CSF1: variants seen among roughly 807,000 people sequenced by gnomAD.
CSF1 encodes the protein colony stimulating factor 1.
A neutral mutation model predicts 48.9 loss-of-function variants in CSF1; 9 were observed. That is an observed-to-expected ratio of 0.18 (90% CI 0.11 to 0.32). The LOEUF is 0.32. Ranked by LOEUF, CSF1 falls within the 10% of genes least tolerant of loss-of-function variation. The pLI is 1.00. For synonymous variants in CSF1, 305 were observed against 284.1 expected (o/e 1.07, Z -0.74); for missense variants, 672 against 697.9 (o/e 0.96, Z 0.42).
At chr1:109,919,263 G>A (rs181491136) in intron 4 of CSF1, among the ~76,000 whole-genome samples, 5 of 152,236 alleles carry the variant, frequency 3.3e-5, no homozygotes, top group Non-Finnish European at 7.4e-5. Context: ...TTTTGAGACA[G>A]GGTCTCATTC....
At position 109,923,803 on chromosome 1, in the gene CSF1, C is replaced by T; in HGVS notation, c.1182C>T (p.Leu394=). ...PQKTDHPSAL[L]RDPPEPGSPR... ...AGACAGACCATCCATCTGCCCTGCT[C>T]AGAGACCCCCCGGAGCCAGGCTCTC... The change falls in exon 6 of 9, where the codon CTC becomes CTT. Residue 394 remains leucine, a synonymous_variant. Coordinates refer to ENST00000329608, the MANE Select transcript of CSF1 (RefSeq NM_000757.6). 6.2e-7 allele frequency: 1 copy of T among 1,611,198 alleles called. No individual in the cohort carries two copies. The highest frequency in any genetic ancestry group is 8.5e-7 in the Non-Finnish European group (1 of 1,178,688).
At chr1:109,927,674 G>A (rs550200734) in intron 8 of CSF1, among the ~76,000 whole-genome samples, 57 of 152,278 alleles carry the variant, frequency 3.7e-4, no homozygotes, top group South Asian at 4.1e-4. Context: ...CACTTGGCCC[G>A]GCAGGTCCAG....
At position 109,921,874 on chromosome 1, in the gene CSF1, C is replaced by A; in HGVS notation, c.424C>A (p.Pro142Thr). 6.2e-7 allele frequency: 1 copy of A among 1,605,276 alleles called. No individual in the cohort carries two copies. ...CTGCGTCCGAACTTTCTATGAGACA[C>A]CTCTCCAGTTGCTGGAGAAGGTCAA... ...KACVRTFYET[P>T]LQLLEKVKNV... The change falls in exon 5 of 9, where the codon CCT becomes ACT. Residue 142 changes from proline (P) to threonine (T), a missense_variant. Transcript: ENST00000329608.
Position 109,910,870 on chromosome 1 carries a change from GA to G in CSF1, c.-151del. ...CAGTGAGGCTCGGCCCGGGGAAAGT[GA>G]AAGTTTGCCTGGGTCCTCTCGGCGC... On this transcript the variant is annotated 5_prime_UTR_variant, in exon 1 of 9. Coordinates refer to ENST00000329608, the MANE Select transcript of CSF1 (RefSeq NM_000757.6). 1 of 370,134 alleles carries G rather than the reference GA, an allele frequency of 2.7e-6. No individual in the cohort carries two copies. Among genetic ancestry groups the G allele is most frequent in the Non-Finnish European group, 3.9e-6 (1 of 254,186 alleles). 22.9% of individuals were successfully genotyped at this position (370,134 alleles called of 1,614,324 possible). A position where few individuals can be genotyped will look rare whatever the true frequency, so the allele number is the denominator to read the frequency against.
chr1:109,929,117 C>G lies in CSF1; in HGVS notation c.*279C>G, dbSNP rs1647962420. 1 of 152,850 alleles carries G rather than the reference C, an allele frequency of 6.5e-6. No individual in the cohort carries two copies. Among genetic ancestry groups the G allele is most frequent in the Admixed American group, 6.5e-5 (1 of 15,294 alleles). The allele number at this position is 152,850 out of a possible 1,614,324, so 9.5% of individuals were successfully genotyped here. Reference sequence around the variant, plus strand: ...CATGTGCTTGAGGAAGGCTGGTGAGCCCGGCTCAGGACCCTCTTCCCTCAG... The same window carrying G: ...CATGTGCTTGAGGAAGGCTGGTGAGGCCGGCTCAGGACCCTCTTCCCTCAG... On this transcript the variant is annotated 3_prime_UTR_variant, in exon 9 of 9. Coordinates refer to ENST00000329608, the MANE Select transcript of CSF1 (RefSeq NM_000757.6).
At position 109,923,800 on chromosome 1, in the gene CSF1, G is replaced by T; in HGVS notation, c.1179G>T (p.Leu393=). 1 of 1,611,014 alleles carries T rather than the reference G, an allele frequency of 6.2e-7. No individual in the cohort carries two copies. The highest frequency in any genetic ancestry group is 8.5e-7 in the Non-Finnish European group (1 of 1,178,620). Residue 393 remains leucine (L), a synonymous_variant, in exon 6 of 9, where the codon CTG becomes CTT. Transcript: ENST00000329608. ...AGAAGACAGACCATCCATCTGCCCT[G>T]CTCAGAGACCCCCCGGAGCCAGGCT... ...TPQKTDHPSA[L]LRDPPEPGSP...
intron 8 of CSF1, among the ~76,000 whole-genome samples, chr1:109,927,561 C>CT (rs1647896274): frequency 2.0e-5 from 3 of 152,124 alleles, no homozygotes; most frequent in Non-Finnish European, 4.4e-5. Flanking sequence ...CGCCCACCCT[C>CT]CTTTCCCCAC....
chr1:109,921,617 G>T (rs987732886), intron 4 of CSF1, among the ~76,000 whole-genome samples: 1 of 152,072 alleles, frequency 6.6e-6, no homozygotes, highest in Admixed American at 6.5e-5. Context: ...ATGATTCCCA[G>T]GTAATTACCA....
Position 109,921,891 on chromosome 1 carries a change from G to A in CSF1, c.441G>A (p.Glu147=). ...TFYETPLQLL[E]KVKNVFNETK... Reference sequence around the variant, plus strand: ...ATGAGACACCTCTCCAGTTGCTGGAGAAGGTCAAGAATGTCTTTAATGAAA... The same window carrying A: ...ATGAGACACCTCTCCAGTTGCTGGAAAAGGTCAAGAATGTCTTTAATGAAA... The change falls in exon 5 of 9, where the codon GAG becomes GAA. Residue 147 remains glutamate (E), a synonymous_variant. Coordinates refer to ENST00000329608, the MANE Select transcript of CSF1 (RefSeq NM_000757.6). 6.2e-7 allele frequency: 1 copy of A among 1,609,898 alleles called. No individual in the cohort carries two copies. The highest frequency in any genetic ancestry group is 8.5e-7 in the Non-Finnish European group (1 of 1,177,134).
At position 109,911,055 on chromosome 1, in the gene CSF1, C is replaced by A; in HGVS notation, c.32C>A (p.Pro11His). The change falls in exon 1 of 9, where the codon CCT becomes CAT. Residue 11 changes from proline to histidine, a missense_variant. This residue lies in a region of CSF1 where 53 missense variants were observed against 45.5 expected (regional missense o/e 1.17). Transcript: ENST00000329608. Reference protein sequence around the residue: MTAPGAAGRCPPTTWLGSLLL... With the variant: MTAPGAAGRCHPTTWLGSLLL... ...GCGCCGGGCGCCGCCGGGCGCTGCC[C>A]TCCCACGGTAAGCGACGGCCGCGGC... The A allele has an allele frequency of 9.0e-7, 1 of 1,115,240 alleles. No individual in the cohort carries two copies. The highest frequency in any genetic ancestry group is 3.9e-5 in the South Asian group (1 of 25,318). 69.1% of individuals were successfully genotyped at this position (1,115,240 alleles called of 1,614,324 possible).
chr1:109,918,557 C>T (rs549217927), intron 4 of CSF1, among the ~76,000 whole-genome samples: 14 of 152,174 alleles, frequency 9.2e-5, no homozygotes, highest in Middle Eastern at 6.8e-3. Flanking sequence ...GACATGTTCC[C>T]GTGGGTTTAG....
Position 109,919,927 on chromosome 1 carries a change from A to AAAATAAATAAAT in CSF1, c.397-1880_397-1869dup, listed in dbSNP as rs35887432. ...TGAGCTGAGATCGAAACTCCATCTC[A>AAAATAAATAAAT]AAATAAATAAATAAATAAATAAATA... On this transcript the variant is annotated intron_variant, in intron 4 of 8. Coordinates refer to ENST00000329608, the MANE Select transcript of CSF1 (RefSeq NM_000757.6). 6.5e-4 allele frequency among the ~76,000 whole-genome samples: 95 copies of AAAATAAATAAAT among 146,400 alleles called. 3 individuals carry two copies. Among genetic ancestry groups the AAAATAAATAAAT allele is most frequent in the Non-Finnish European group, 1.1e-3 (71 of 66,466 alleles).
chr1:109,921,084 T>C (rs970318272), intron 4 of CSF1, among the ~76,000 whole-genome samples: 1 of 152,092 alleles, frequency 6.6e-6, no homozygotes, highest in Non-Finnish European at 1.5e-5. Flanking sequence ...CGTTCCCTTC[T>C]CCACACCACA....
intron 2 of CSF1, 39 bp downstream of exon 2, chr1:109,914,420 C>G: frequency 6.5e-7 from 1 of 1,531,196 alleles, no homozygotes. Flanking sequence ...CTTCTCCCCA[C>G]TGGGGAAATG....
At chr1:109,919,492 G>A (rs566016086) in intron 4 of CSF1, among the ~76,000 whole-genome samples, 2 of 152,268 alleles carry the variant, frequency 1.3e-5, no homozygotes, top group African/African-American at 4.8e-5. Flanking sequence ...GCCTCCCAGA[G>A]TGCTGGGATT....
intron 4 of CSF1, 117 bp from the exon 5 acceptor site, chr1:109,921,730 G>T (rs760627327): frequency 9.9e-6 from 13 of 1,316,954 alleles, no homozygotes; most frequent in Middle Eastern, 2.8e-4. Context: ...AGGGGAGCAA[G>T]GAAACAAAAG....
Position 109,923,302 on chromosome 1 carries a change from G to C in CSF1, c.681G>C (p.Glu227Asp). The C allele has an allele frequency of 6.2e-7, 1 of 1,612,854 alleles. No individual in the cohort carries two copies. The highest frequency in any genetic ancestry group is 8.5e-7 in the Non-Finnish European group (1 of 1,179,404). Residue 227 changes from glutamate to aspartate, a missense_variant, in exon 6 of 9, where the codon GAG becomes GAC. This residue lies in a region of CSF1 where 591 missense variants were observed against 593.6 expected (regional missense o/e 1.00). Transcript: ENST00000329608. ...PVAGLTWEDS[E>D]GTEGSSLLPG... ...CTGGCTTGACCTGGGAGGACTCTGA[G>C]GGAACTGAGGGCAGCTCCCTCTTGC... is the stretch of plus-strand genomic sequence containing the variant.
chr1:109,927,039 C>A (rs2101658955), intron 8 of CSF1, among the ~76,000 whole-genome samples: 1 of 152,344 alleles, frequency 6.6e-6, no homozygotes, highest in South Asian at 2.1e-4. Context: ...GACTGACTGG[C>A]TGACCAGCTG....
Position 109,923,657 on chromosome 1 carries a change from G to C in CSF1, c.1036G>C (p.Ala346Pro). ...CGCCAGACCCAGCAACTTCCTCTCA[G>C]CATCTTCTCCACTCCCTGCATCAGC... Reference protein sequence around the residue: ...EPARPSNFLSASSPLPASAKG... With the variant: ...EPARPSNFLSPSSPLPASAKG... The change falls in exon 6 of 9, where the codon GCA becomes CCA. Residue 346 changes from alanine to proline, a missense_variant. By Grantham distance (27) the Ala-to-Pro change is conservative (BLOSUM62 -1). This residue lies in a region of CSF1 where 591 missense variants were observed against 593.6 expected (regional missense o/e 1.00). Coordinates refer to ENST00000329608, the MANE Select transcript of CSF1 (RefSeq NM_000757.6). 1.9e-6 allele frequency: 3 copies of C among 1,613,924 alleles called. No homozygotes were observed. Among genetic ancestry groups the C allele is most frequent in the Non-Finnish European group, 2.5e-6 (3 of 1,179,878 alleles).
Sources: gnomAD v4.1 joint callset for allele counts (sites outside exome capture counted in the v4.1 genomes callset) on GRCh38, gnomAD v4.1.1 for gene constraint, gnomAD v4.1.1 regional missense constraint, MANE v1.5 for transcripts, NCBI Gene and HGNC (gene_info 2026-07-23, HGNC 2026-07-21) for gene names.